LSAMP: variants seen among roughly 807,000 people sequenced by gnomAD.
LSAMP encodes limbic system associated membrane protein.
In LSAMP, 7 loss-of-function variants were observed where a neutral mutation model predicts 38.6. That is an observed-to-expected ratio of 0.18 (90% CI 0.10 to 0.34). The LOEUF (loss-of-function observed/expected upper bound fraction) is 0.34, where lower values mean the gene tolerates loss of function less well. Ranked by LOEUF, LSAMP falls within the 10% of genes least tolerant of loss-of-function variation. The pLI, the probability that LSAMP is intolerant of heterozygous loss-of-function variation, is 1.00. For synonymous variants in LSAMP, 154 were observed against 166.8 expected (o/e 0.92, Z 0.59); for missense variants, 313 against 420.0 (o/e 0.75, Z 2.23).
intron 3 of LSAMP, among the ~76,000 whole-genome samples, chr3:115,967,787 C>G (rs185638059): frequency 6.6e-6 from 1 of 152,072 alleles, no homozygotes; most frequent in Non-Finnish European, 1.5e-5. Context: ...TCTCATGAGA[C>G]TCACTCACTA....
At chr3:116,134,046 T>C (rs1301647364) in intron 1 of LSAMP, among the ~76,000 whole-genome samples, 2 of 152,140 alleles carry the variant, frequency 1.3e-5, no homozygotes, top group Admixed American at 6.5e-5. Flanking sequence ...TAGAATATGA[T>C]CTGAACAGGC....
chr3:115,848,295 G>A (rs916858539), intron 4 of LSAMP, among the ~76,000 whole-genome samples: 5 of 152,080 alleles, frequency 3.3e-5, no homozygotes, highest in Admixed American at 2.6e-4. Context: ...ATGGTGGCAC[G>A]CGCCTGTAAT....
intron 3 of LSAMP, among the ~76,000 whole-genome samples, chr3:115,864,216 G>C (rs1935793775): frequency 6.6e-6 from 1 of 151,988 alleles, no homozygotes; most frequent in Admixed American, 6.6e-5. Flanking sequence ...AGCTGTATGT[G>C]CACTCAAATG....
chr3:115,835,220 T>C (rs1010894273), intron 6 of LSAMP, among the ~76,000 whole-genome samples: 1 of 152,226 alleles, frequency 6.6e-6, no homozygotes, highest in Non-Finnish European at 1.5e-5. Context: ...CCTCTTTTTA[T>C]AATACATTCT....
chr3:116,195,621 C>T (rs901505735), intron 1 of LSAMP, among the ~76,000 whole-genome samples: 4 of 149,694 alleles, frequency 2.7e-5, no homozygotes, highest in African/African-American at 4.9e-5. Context: ...TGAAATAGCA[C>T]ATACTTAGTC....
intron 3 of LSAMP, among the ~76,000 whole-genome samples, chr3:115,865,468 T>C (rs1160324107): frequency 6.6e-6 from 1 of 152,214 alleles, no homozygotes; most frequent in African/African-American, 2.4e-5. Context: ...AAAGAAGCTA[T>C]GTGAATCTAT....
chr3:116,292,909 C>A (rs543595406), intron 1 of LSAMP, among the ~76,000 whole-genome samples: 1 of 152,244 alleles, frequency 6.6e-6, no homozygotes, highest in Non-Finnish European at 1.5e-5. Flanking sequence ...TCCCATTAAC[C>A]TTTTTTAGTC....
chr3:115,907,062 C>A (rs1937024636), intron 3 of LSAMP, among the ~76,000 whole-genome samples: 1 of 152,094 alleles, frequency 6.6e-6, no homozygotes, highest in Non-Finnish European at 1.5e-5. Context: ...AGTTGGTTTT[C>A]CATCTCAACC....
chr3:115,833,961 A>G (rs1369720443), intron 6 of LSAMP, among the ~76,000 whole-genome samples: 1 of 152,130 alleles, frequency 6.6e-6, no homozygotes, highest in Non-Finnish European at 1.5e-5. Context: ...GAGTGCATAG[A>G]AAGTTTATGA....
intron 6 of LSAMP, among the ~76,000 whole-genome samples, chr3:115,823,860 A>C (rs1210313435): frequency 6.6e-6 from 1 of 152,222 alleles, no homozygotes; most frequent in African/African-American, 2.4e-5. Context: ...GTTATCATAC[A>C]GGTTGATGAG....
chr3:116,168,227 ATTT>A lies in LSAMP; in HGVS notation c.156-81674_156-81672del, dbSNP rs150916317. Reference sequence around the variant, plus strand: ...TATCTTGAAAGCTTTTATTATTATTATTTTTTTTTTACTGACCAATGGATCTGT... The same window carrying A: ...TATCTTGAAAGCTTTTATTATTATTATTTTTTTACTGACCAATGGATCTGT... On this transcript the variant is annotated intron_variant, in intron 1 of 6. Transcript: ENST00000490035. Among the ~76,000 whole-genome samples the A allele has an allele frequency of 6.2e-3, 942 of 151,728 alleles. 67 individuals are homozygous for A. The East Asian group carries it at 0.13, about 20-fold the overall frequency.
chr3:116,155,016 T>TA, intron 1 of LSAMP, among the ~76,000 whole-genome samples: 1 of 123,920 alleles, frequency 8.1e-6, no homozygotes, highest in East Asian at 2.1e-4. Flanking sequence ...ATGAATGTTT[T>TA]GGTTTTTTTT....
At chr3:116,433,200 A>G (rs938118478) in intron 1 of LSAMP, among the ~76,000 whole-genome samples, 1 of 152,180 alleles carries the variant, frequency 6.6e-6, no homozygotes, top group African/African-American at 2.4e-5. Flanking sequence ...CTTACTATGC[A>G]TGACTTAGTG....
intron 1 of LSAMP, among the ~76,000 whole-genome samples, chr3:116,139,505 G>GT (rs1709325251): frequency 6.6e-6 from 1 of 151,878 alleles, no homozygotes; most frequent in Non-Finnish European, 1.5e-5. Context: ...AATTTTAACC[G>GT]TATCTCTTCA....
At chr3:116,194,355 A>G (rs7638493) in intron 1 of LSAMP, among the ~76,000 whole-genome samples, 120,901 of 152,084 alleles carry the variant, frequency 0.79, 49,039 homozygotes, top group East Asian at 0.91. Flanking sequence ...ATCAAACTGC[A>G]GTACTGATGT....
intron 1 of LSAMP, among the ~76,000 whole-genome samples, chr3:116,124,656 A>G (rs988677178): frequency 7.2e-5 from 11 of 152,168 alleles, no homozygotes; most frequent in Non-Finnish European, 2.9e-5. Flanking sequence ...ATGAAAATGC[A>G]AAAATATGGA....
chr3:115,977,251 T>A (rs1939216308), intron 3 of LSAMP, among the ~76,000 whole-genome samples: 1 of 152,208 alleles, frequency 6.6e-6, no homozygotes, highest in East Asian at 1.9e-4. Context: ...GATAGATTTA[T>A]GCTCAATGTA....
chr3:116,442,943 C>T (rs1057246558), intron 1 of LSAMP, among the ~76,000 whole-genome samples: 15 of 152,198 alleles, frequency 9.9e-5, no homozygotes, highest in African/African-American at 7.2e-5. Context: ...TGTTTTTATT[C>T]TTCTGAATTA....
At chr3:116,247,771 A>C (rs2046622761) in intron 1 of LSAMP, among the ~76,000 whole-genome samples, 1 of 152,190 alleles carries the variant, frequency 6.6e-6, no homozygotes, top group Non-Finnish European at 1.5e-5. Flanking sequence ...TCAACTATTA[A>C]TGTACAGTTG....
Sources: allele counts gnomAD v4.1 joint callset (sites outside exome capture counted in the v4.1 genomes callset), GRCh38; gene constraint gnomAD v4.1.1; transcripts MANE v1.5; gene names NCBI Gene and HGNC (gene_info 2026-07-23, HGNC 2026-07-21).